IFT122: variants seen among roughly 807,000 people sequenced by gnomAD.
IFT122 encodes intraflagellar transport 122.
A neutral mutation model predicts 161.6 loss-of-function variants in IFT122; 118 were observed. That is an observed-to-expected ratio of 0.73 (90% CI 0.63 to 0.85). The LOEUF (loss-of-function observed/expected upper bound fraction) is 0.85, where lower values mean the gene tolerates loss of function less well. IFT122 is among the 40% of genes least tolerant of loss of function. The probability of loss-of-function intolerance (pLI) is 0.00; values close to 1 mark genes in which losing one functional copy is unlikely to be tolerated. For synonymous variants in IFT122, 550 were observed against 602.4 expected (o/e 0.91, Z 1.27); for missense variants, 1,381 against 1,579.6 (o/e 0.87, Z 2.13).
chr3:129,509,261 T>C (rs1276851604), intron 23 of IFT122, among the ~76,000 whole-genome samples: 2 of 152,194 alleles, frequency 1.3e-5, no homozygotes, highest in African/African-American at 4.8e-5. Context: ...TTTTTCACCT[T>C]CCCAATTTGC....
rs2082199852 is a variant in IFT122 at position 129,506,430 on chromosome 3, A to G, written c.2672A>G (p.Gln891Arg). 1.9e-6 allele frequency: 3 copies of G among 1,614,048 alleles called. No homozygotes were observed. In the Middle Eastern group the frequency reaches 5.0e-4, roughly 267 times the overall value. ...ACAGCGTTCCACAAGGCTGGGCGAC[A>G]GAGAGAAGCGGTCCAGGTGCTGGAG... is the stretch of plus-strand genomic sequence containing the variant. ...AQKAFHKAGR[Q>R]REAVQVLEQL... is the part of the protein sequence containing the mutation. The change falls in exon 22 of 30, where the codon CAG becomes CGG. Residue 891 changes from glutamine (Q) to arginine (R), a missense_variant. This residue lies in a region of IFT122 where 496 missense variants were observed against 502.5 expected (regional missense o/e 0.99). Transcript: ENST00000348417.
chr3:129,511,399 C>G (rs370054039), intron 23 of IFT122, among the ~76,000 whole-genome samples: 1 of 152,090 alleles, frequency 6.6e-6, no homozygotes, highest in South Asian at 2.1e-4. Flanking sequence ...AGTGAGTCCT[C>G]AGGAGTTCAG....
chr3:129,490,923 C>T (rs1200209651), intron 16 of IFT122, among the ~76,000 whole-genome samples: 2 of 152,202 alleles, frequency 1.3e-5, no homozygotes, highest in Admixed American at 1.3e-4. Context: ...TTAACGCTGC[C>T]TCCCACCCCT....
At chr3:129,479,530 T>C (rs904335697) in intron 12 of IFT122, among the ~76,000 whole-genome samples, 1 of 152,160 alleles carries the variant, frequency 6.6e-6, no homozygotes, top group Non-Finnish European at 1.5e-5. Context: ...ATGTGTACTT[T>C]TGAGTGCTGC....
At chr3:129,494,075 G>A (rs1276038940) in intron 17 of IFT122, among the ~76,000 whole-genome samples, 3 of 152,140 alleles carry the variant, frequency 2.0e-5, no homozygotes, top group East Asian at 3.9e-4. Context: ...TCCTGCTGAC[G>A]GGGGGAAAGA....
chr3:129,486,063 G>A (rs966001371), intron 15 of IFT122, among the ~76,000 whole-genome samples: 23 of 152,250 alleles, frequency 1.5e-4, no homozygotes, highest in African/African-American at 5.1e-4. Flanking sequence ...GTGACTTCAT[G>A]TTTGAAATCC....
At chr3:129,462,410 G>A (rs543953656) in intron 5 of IFT122, among the ~76,000 whole-genome samples, 24 of 152,356 alleles carry the variant, frequency 1.6e-4, no homozygotes, top group African/African-American at 5.8e-4. Flanking sequence ...CCCCTGAGGT[G>A]TCAGGTATTA....
chr3:129,444,116 A>G (rs1368867226), intron 1 of IFT122, among the ~76,000 whole-genome samples: 2 of 152,236 alleles, frequency 1.3e-5, no homozygotes, highest in Admixed American at 1.3e-4. Context: ...CCCCGTGAGT[A>G]GGAGGCTACC....
chr3:129,517,398 AC>A, intron 26 of IFT122, 70 bp from the exon 27 acceptor site: 1 of 1,598,246 alleles, frequency 6.3e-7, no homozygotes. Flanking sequence ...CTCTGTGGTC[AC>A]CCCACCTGCC....
chr3:129,495,668 G>T lies in IFT122; in HGVS notation c.2208+61G>T, dbSNP rs66556397. ...GGAGCCCACTGGTATTCTCACGTGC[G>T]GTGTCCAAGTTATTTTCCCCAAGAG... On this transcript the variant is annotated intron_variant, in intron 18 of 29. Transcript: ENST00000348417. 3 of 1,580,690 alleles carry T rather than the reference G, an allele frequency of 1.9e-6. No homozygotes were observed. In the Admixed American group the frequency reaches 5.0e-5, roughly 26 times the overall value.
intron 23 of IFT122, among the ~76,000 whole-genome samples, chr3:129,509,277 A>G (rs1216551814): frequency 6.6e-6 from 1 of 152,192 alleles, no homozygotes; most frequent in African/African-American, 2.4e-5. Flanking sequence ...TTTGCTTCAA[A>G]TGCCAAACAA....
intron 2 of IFT122, 46 bp from the exon 3 acceptor site, chr3:129,451,864 TCTGA>T (rs2107928285): frequency 6.9e-7 from 1 of 1,455,744 alleles, no homozygotes; most frequent in Non-Finnish European, 9.7e-7. Context: ...CTGCAGGAAT[TCTGA>T]CTAATAGATA....
intron 17 of IFT122, 29 bp downstream of exon 17, chr3:129,492,223 A>G: frequency 3.8e-6 from 6 of 1,571,486 alleles, no homozygotes; most frequent in Non-Finnish European, 5.3e-6. Context: ...TTCCTTCTCA[A>G]GAAGGCATAC....
rs1043060483 is a variant in IFT122 at position 129,479,714 on chromosome 3, A to G, written c.1351-71A>G. The G allele has an allele frequency of 1.3e-5, 20 of 1,589,134 alleles. No individual in the cohort carries two copies. The African/African-American group carries it at 2.5e-4, about 20-fold the overall frequency. ...GTATTTTCTCCCCTTAGGGACAGAA[A>G]GATCTCCTTGGGGAGGTCTGGGGGC... is the stretch of plus-strand genomic sequence containing the variant. On this transcript the variant is annotated intron_variant, in intron 12 of 29. Transcript: ENST00000348417.
intron 9 of IFT122, 101 bp downstream of exon 9, chr3:129,469,518 G>T: frequency 1.1e-6 from 1 of 921,218 alleles, no homozygotes; most frequent in South Asian, 1.3e-5. Context: ...GTTAGTTCCT[G>T]CTTATTGAGC....
chr3:129,491,492 C>A (rs1181549233), intron 16 of IFT122, among the ~76,000 whole-genome samples: 1 of 152,216 alleles, frequency 6.6e-6, no homozygotes, highest in Non-Finnish European at 1.5e-5. Flanking sequence ...GAGTTAAAGT[C>A]TCTGGCTTTA....
intron 23 of IFT122, among the ~76,000 whole-genome samples, chr3:129,511,199 T>C (rs2082782557): frequency 6.6e-6 from 1 of 152,204 alleles, no homozygotes; most frequent in South Asian, 2.1e-4. Context: ...TGCTACCTAT[T>C]CTCTCTGGGA....
At chr3:129,466,495 CTTTTTTTTTTT>C (rs527470540) in intron 7 of IFT122, among the ~76,000 whole-genome samples, 9 of 102,180 alleles carry the variant, frequency 8.8e-5, no homozygotes, top group Non-Finnish European at 1.5e-4. Flanking sequence ...TATTTTTATT[CTTTTTTTTTTT>C]TTTTTTTTTT....
At chr3:129,468,344 C>T (rs1447726778) in intron 8 of IFT122, among the ~76,000 whole-genome samples, 1 of 151,784 alleles carries the variant, frequency 6.6e-6, no homozygotes, top group Non-Finnish European at 1.5e-5. Context: ...GCTAGGAATG[C>T]TTTTCTTTTT....
Sources: gnomAD v4.1 joint callset for allele counts (sites outside exome capture counted in the v4.1 genomes callset) on GRCh38, gnomAD v4.1.1 for gene constraint, gnomAD v4.1.1 regional missense constraint, MANE v1.5 for transcripts, NCBI Gene and HGNC (gene_info 2026-07-23, HGNC 2026-07-21) for gene names.